LINGO2: variants seen among roughly 807,000 people sequenced by gnomAD.
LINGO2 encodes leucine-rich repeat and immunoglobulin-like domain-containing nogo receptor-interacting protein 2.
Under a neutral mutation model 30.6 loss-of-function variants are expected in LINGO2, and 14 were observed. That is an observed-to-expected ratio of 0.46 (90% CI 0.30 to 0.72). The LOEUF is 0.72. Among genes scored for constraint, LINGO2 ranks in the 30% least tolerant of loss-of-function variants. LINGO2 has a pLI of 0.07. For synonymous variants in LINGO2, 317 were observed against 288.5 expected (o/e 1.10, Z -1.00); for missense variants, 729 against 751.7 (o/e 0.97, Z 0.35).
rs555270300 is a variant in LINGO2, at chr9:27,984,261, T to G, written c.-36+28094A>C. ...ATGAGGGTAACAGGTTTATGAGCCT[T>G]ACAACAACCATTGGCTTCATCTTCT... On this transcript the variant is annotated intron_variant, in intron 5 of 5. Transcript: ENST00000379992. Among the ~76,000 whole-genome samples the G allele has an allele frequency of 2.6e-5, 4 of 151,964 alleles. No individual in the cohort carries two copies. The South Asian group carries it at 6.2e-4, about 24-fold the overall frequency.
At chr9:28,182,786 T>A (rs1819400838) in intron 4 of LINGO2, among the ~76,000 whole-genome samples, 1 of 152,100 alleles carries the variant, frequency 6.6e-6, no homozygotes, top group African/African-American at 2.4e-5. Context: ...AGAATGGCGA[T>A]TATTAAAAAG....
intron 4 of LINGO2, among the ~76,000 whole-genome samples, chr9:28,064,095 A>C (rs186207108): frequency 6.6e-6 from 1 of 152,294 alleles, no homozygotes; most frequent in African/African-American, 2.4e-5. Flanking sequence ...AGGGGGAGAA[A>C]AAACAAGAGG....
intron 2 of LINGO2, among the ~76,000 whole-genome samples, chr9:28,434,740 C>A (rs184490531): frequency 1.2e-3 from 189 of 152,120 alleles, no homozygotes; most frequent in Admixed American, 6.4e-3. Flanking sequence ...TCTTTTGTTT[C>A]TTTCCTAATC....
intron 1 of LINGO2, among the ~76,000 whole-genome samples, chr9:28,571,531 T>C (rs897194498): frequency 6.6e-5 from 10 of 152,054 alleles, no homozygotes; most frequent in African/African-American, 2.4e-4. Flanking sequence ...ATAGGAATTA[T>C]CATTAGTCCC....
At chr9:27,994,477 G>T (rs758576683) in intron 5 of LINGO2, among the ~76,000 whole-genome samples, 3 of 152,074 alleles carry the variant, frequency 2.0e-5, no homozygotes, top group Non-Finnish European at 2.9e-5. Context: ...CCTGAGAAAA[G>T]GGAGGTCTGG....
chr9:28,039,885 C>T (rs1332473356), intron 4 of LINGO2, among the ~76,000 whole-genome samples: 1 of 152,098 alleles, frequency 6.6e-6, no homozygotes, highest in Non-Finnish European at 1.5e-5. Context: ...CTCTCTGACC[C>T]ACCCCCTTGT....
At chr9:28,884,979 TAA>T in the LINGO2 span, among the ~76,000 whole-genome samples, 51 of 13,060 alleles carry the variant, frequency 3.9e-3, 1 homozygote, top group African/African-American at 0.012. Flanking sequence ...ATAATATATA[TAA>T]TATATAATAA....
the LINGO2 span, among the ~76,000 whole-genome samples, chr9:29,158,707 G>T: frequency 6.6e-6 from 1 of 151,968 alleles, no homozygotes; most frequent in Non-Finnish European, 1.5e-5. Flanking sequence ...CTTTATTTTA[G>T]TTACTCAAGG....
chr9:29,098,072 G>C, the LINGO2 span, among the ~76,000 whole-genome samples: 1 of 152,140 alleles, frequency 6.6e-6, no homozygotes, highest in Admixed American at 6.5e-5. Context: ...GGTTATAACT[G>C]ATGAATGAAT....
the LINGO2 span, among the ~76,000 whole-genome samples, chr9:29,145,476 A>G: frequency 1.8e-4 from 28 of 152,200 alleles, no homozygotes; most frequent in African/African-American, 5.5e-4. Context: ...CAATAACAGA[A>G]TTATAAGAGA....
At chr9:28,483,156 C>T (rs1826041732) in intron 1 of LINGO2, among the ~76,000 whole-genome samples, 1 of 152,104 alleles carries the variant, frequency 6.6e-6, no homozygotes, top group African/African-American at 2.4e-5. Context: ...TATAAAACAA[C>T]TTTTGTTAGC....
At chr9:28,762,236 C>A in the LINGO2 span, among the ~76,000 whole-genome samples, 1 of 151,788 alleles carries the variant, frequency 6.6e-6, no homozygotes, top group Non-Finnish European at 1.5e-5. Flanking sequence ...AAAACTATAG[C>A]CAATATAAGA....
chr9:27,974,784 A>AT (rs1414410473), intron 5 of LINGO2, among the ~76,000 whole-genome samples: 1 of 152,144 alleles, frequency 6.6e-6, no homozygotes, highest in East Asian at 1.9e-4. Context: ...AAGAAAAAAA[A>AT]GTTTCTTGCT....
the LINGO2 span, among the ~76,000 whole-genome samples, chr9:28,894,623 T>A: frequency 6.6e-6 from 1 of 151,880 alleles, no homozygotes; most frequent in Non-Finnish European, 1.5e-5. Context: ...GCAATAGTAT[T>A]TTTTGCCAAT....
the LINGO2 span, among the ~76,000 whole-genome samples, chr9:28,926,296 A>G: frequency 1.3e-5 from 2 of 152,166 alleles, no homozygotes; most frequent in Non-Finnish European, 2.9e-5. Flanking sequence ...CCTGGGGGAT[A>G]GAGCAAGACT....
At chr9:28,739,714 TAA>T in the LINGO2 span, among the ~76,000 whole-genome samples, 20 of 151,768 alleles carry the variant, frequency 1.3e-4, no homozygotes, top group African/African-American at 4.6e-4. Flanking sequence ...CCCATAAATA[TAA>T]GAGTTTTTTT....
the LINGO2 span, among the ~76,000 whole-genome samples, chr9:29,186,262 A>T: frequency 6.6e-6 from 1 of 152,146 alleles, no homozygotes; most frequent in Non-Finnish European, 1.5e-5. Flanking sequence ...ATTAAACTCT[A>T]TAACTCTGCT....
At chr9:29,020,771 A>G in the LINGO2 span, among the ~76,000 whole-genome samples, 2 of 152,154 alleles carry the variant, frequency 1.3e-5, no homozygotes, top group African/African-American at 4.8e-5. Context: ...GTAATAGCAC[A>G]GAGGTGATGA....
At chr9:28,455,340 G>C (rs2135092843) in intron 2 of LINGO2, among the ~76,000 whole-genome samples, 1 of 151,890 alleles carries the variant, frequency 6.6e-6, no homozygotes, top group South Asian at 2.1e-4. Flanking sequence ...TTGTATAAGT[G>C]AATATATTTT....
Sources: gnomAD v4.1 joint callset for allele counts (sites outside exome capture counted in the v4.1 genomes callset) on GRCh38, gnomAD v4.1.1 for gene constraint, MANE v1.5 for transcripts, NCBI Gene and HGNC (gene_info 2026-07-23, HGNC 2026-07-21) for gene names.